The following ENOX2 variants were observed in gnomAD, a reference collection of about 807,000 sequenced individuals.
ENOX2 encodes ecto-NOX disulfide-thiol exchanger 2, also known as APK1 antigen.
A neutral mutation model predicts 45.0 loss-of-function variants in ENOX2; 36 were observed. That is an observed-to-expected ratio of 0.80 (90% confidence interval 0.61 to 1.06). The LOEUF (loss-of-function observed/expected upper bound fraction) is 1.06, where lower values mean the gene tolerates loss of function less well. Ranked by LOEUF, ENOX2 falls within the 50% of genes least tolerant of loss-of-function variation. The pLI is 0.00. For synonymous variants in ENOX2, 174 were observed against 152.3 expected, an observed-to-expected ratio of 1.14 and a Z score of -1.05; for missense variants, 423 against 462.5, an observed-to-expected ratio of 0.91 and a Z score of 0.78.
At chrX:130,896,805 T>C (rs1454245214) in intron 2 of ENOX2, among the ~76,000 whole-genome samples, 1 of 112,151 alleles carries the variant, frequency 8.9e-6, no homozygotes, top group African/African-American at 3.2e-5. Flanking sequence ...ACAATGGGTA[T>C]TATCTGTAAG....
chrX:130,818,681 A>G (rs1454752778), intron 2 of ENOX2, among the ~76,000 whole-genome samples: 1 of 112,117 alleles, frequency 8.9e-6, no homozygotes, highest in African/African-American at 3.2e-5. Context: ...GGTATTGGAA[A>G]AACTGGCTAG....
chrX:130,698,617 T>G (rs956353617), intron 4 of ENOX2, among the ~76,000 whole-genome samples: 1 of 112,093 alleles, frequency 8.9e-6, no homozygotes, highest in Non-Finnish European at 1.9e-5. Context: ...TTTTTGCCAC[T>G]AAAAGCATAC....
intron 2 of ENOX2, among the ~76,000 whole-genome samples, chrX:130,801,328 A>T (rs2077212535): frequency 8.9e-6 from 1 of 112,071 alleles, no homozygotes; most frequent in Admixed American, 9.5e-5. Context: ...AGCTCAGAGA[A>T]GCTTCTGTAT....
chrX:130,774,206 G>C (rs2039802943), intron 3 of ENOX2, among the ~76,000 whole-genome samples: 1 of 111,994 alleles, frequency 8.9e-6, no homozygotes. Flanking sequence ...CAGTGGCCTA[G>C]GTACATGTAT....
At chrX:130,894,619 T>C (rs1167857295) in intron 2 of ENOX2, among the ~76,000 whole-genome samples, 2 of 110,509 alleles carry the variant, frequency 1.8e-5, no homozygotes, top group Non-Finnish European at 3.8e-5. Flanking sequence ...CTTCAGCTTT[T>C]CCCCCCATGA....
At chrX:130,660,778 T>C (rs1224205500) in intron 9 of ENOX2, among the ~76,000 whole-genome samples, 1 of 112,645 alleles carries the variant, frequency 8.9e-6, no homozygotes, top group Non-Finnish European at 1.9e-5. Flanking sequence ...AAAGTTTTTA[T>C]ACCATTCTCC....
At chrX:130,889,058 T>C (rs5932817) in intron 2 of ENOX2, among the ~76,000 whole-genome samples, 3,769 of 111,892 alleles carry the variant, frequency 0.034, 70 homozygotes, top group Non-Finnish European at 0.053. Context: ...TCCAAAGTTA[T>C]GCTTTATGAG....
At chrX:130,679,836 T>C in intron 5 of ENOX2, 88 bp from the exon 6 acceptor site, 1 of 738,372 alleles carries the variant, frequency 1.4e-6, no homozygotes, top group Non-Finnish European at 2.1e-6. Context: ...GCTATCCCTG[T>C]CAAACTTTTG....
At chrX:130,678,476 A>G (rs1281974603) in intron 6 of ENOX2, among the ~76,000 whole-genome samples, 1 of 109,173 alleles carries the variant, frequency 9.2e-6, no homozygotes, top group Non-Finnish European at 1.9e-5. Flanking sequence ...CTCATTTTCT[A>G]TGCTCCAGTC....
At chrX:130,721,893 T>C (rs1355592300) in intron 3 of ENOX2, among the ~76,000 whole-genome samples, 1 of 112,380 alleles carries the variant, frequency 8.9e-6, no homozygotes, top group Non-Finnish European at 1.9e-5. Context: ...ACAACAATTA[T>C]GCCTAAAGGA....
At chrX:130,901,559 A>G (rs920946552) in intron 2 of ENOX2, 125 bp downstream of exon 2, 5 of 112,234 alleles carry the variant, frequency 4.5e-5, no homozygotes, top group Admixed American at 2.8e-4. Context: ...GCATTTCTTA[A>G]GAAAATATAT....
intron 2 of ENOX2, among the ~76,000 whole-genome samples, chrX:130,813,368 AC>A (rs1364584436): frequency 8.9e-6 from 1 of 112,535 alleles, no homozygotes; most frequent in Non-Finnish European, 1.9e-5. Context: ...TTACACATAT[AC>A]AAAAATCAAT....
intron 2 of ENOX2, among the ~76,000 whole-genome samples, chrX:130,786,559 C>T (rs2076972591): frequency 2.5e-5 from 2 of 79,687 alleles, no homozygotes; most frequent in Non-Finnish European, 4.8e-5. Flanking sequence ...CCCCCTCCCC[C>T]CACCCCACCA....
intron 2 of ENOX2, among the ~76,000 whole-genome samples, chrX:130,830,672 A>G (rs185607571): frequency 2.7e-5 from 3 of 112,159 alleles, no homozygotes; most frequent in Admixed American, 9.5e-5. Context: ...AACATTCCAT[A>G]TATTCCAACC....
intron 5 of ENOX2, among the ~76,000 whole-genome samples, chrX:130,685,711 G>T (rs920561601): frequency 3.6e-5 from 4 of 111,970 alleles, no homozygotes; most frequent in African/African-American, 1.3e-4. Flanking sequence ...CTTCCATGTG[G>T]AAGTGAACCA....
chrX:130,679,651 T>A lies in ENOX2; in HGVS notation c.351A>T (p.Glu117Asp). ...TGATCTCTCCACACTGCTCGAAAAC[T>A]TCCACAATGATTTGCTCTGTCCCAT... The part of the protein sequence containing the change: ...PENGTEQIIV[E>D]VFEQCGEIIA... The change falls in exon 6 of 15, where the codon GAA (glutamate) becomes GAT (aspartate). Residue 117 changes from glutamate to aspartate, a missense_variant. Glu to Asp is a conservative substitution (Grantham distance 45, BLOSUM62 2). This residue lies in a region of ENOX2 where 261 missense variants were observed against 306.8 expected (regional missense o/e 0.85). Transcript: ENST00000394363. The A allele has an allele frequency of 1.7e-6, 2 of 1,210,167 alleles. No individual in the cohort carries two copies. The highest frequency in any genetic ancestry group is 2.2e-6 in the Non-Finnish European group (2 of 894,068).
intron 2 of ENOX2, among the ~76,000 whole-genome samples, chrX:130,883,202 C>T (rs952071923): frequency 2.2e-4 from 25 of 111,316 alleles, no homozygotes; most frequent in African/African-American, 8.2e-4. Flanking sequence ...CCTCTGCCTC[C>T]CGAGTTCAAG....
rs73635947 is a variant in ENOX2, at chrX:130,744,924, C to T, written c.-39+38623G>A. 4.8e-3 allele frequency among the ~76,000 whole-genome samples: 536 copies of T among 111,210 alleles called. 5 individuals are homozygous for T. The highest frequency in any genetic ancestry group is 0.017 in the African/African-American group (517 of 30,575). On this transcript the variant is annotated intron_variant, in intron 3 of 14. Coordinates refer to ENST00000394363, the MANE Select transcript of ENOX2 (RefSeq NM_006375.4). The stretch of plus-strand genomic sequence containing the variant: ...ACAACATTAGATTCTCATAGCAGTG[C>T]GAACCCTATTGTGAATTGTGCATGT...
intron 2 of ENOX2, among the ~76,000 whole-genome samples, chrX:130,832,290 C>A (rs1007961747): frequency 1.8e-5 from 2 of 110,638 alleles, no homozygotes; most frequent in Non-Finnish European, 3.8e-5. Flanking sequence ...GAGCTTACAG[C>A]ACTCCCATCA....
Sources: allele counts gnomAD v4.1 joint callset (sites outside exome capture counted in the v4.1 genomes callset), GRCh38; gene constraint gnomAD v4.1.1; regional missense constraint gnomAD v4.1.1; transcripts MANE v1.5; gene names NCBI Gene and HGNC (gene_info 2026-07-23, HGNC 2026-07-21).